UGT1A8: variants seen among roughly 807,000 people sequenced by gnomAD.
UGT1A8 encodes the protein UDP glucuronosyltransferase family 1 member A8.
Under a neutral mutation model 45.3 loss-of-function variants are expected in UGT1A8, and 39 were observed. The ratio of observed to expected loss-of-function variants is 0.86; its 90% CI spans 0.67 to 1.12. UGT1A8 has a LOEUF of 1.12. UGT1A8 is among the 50% of genes most tolerant of loss of function. UGT1A8 has a pLI of 0.00. For synonymous variants in UGT1A8, 275 were observed against 249.2 expected (o/e 1.10, Z -0.97); for missense variants, 719 against 664.9 (o/e 1.08, Z -0.90).
At position 233,725,271 on chromosome 2, in the gene UGT1A8, GAGGCAGAGGCAGAGGCA is replaced by G. The variant is rs1559370545; in HGVS notation, c.856-41762_856-41746del. ...AGAGGAGGCAGAGGCAGAGGAGGCAGAGGCAGAGGCAGAGGCAGAGGCAGAGGCAGAGGCAGAGGCAG... is the reference window on the plus strand; with the variant it reads ...AGAGGAGGCAGAGGCAGAGGAGGCAGGAGGCAGAGGCAGAGGCAGAGGCAG... On this transcript the variant is annotated intron_variant, in intron 1 of 4. Coordinates refer to ENST00000373450, the MANE Select transcript of UGT1A8 (RefSeq NM_019076.5). 2.2e-4 allele frequency among the ~76,000 whole-genome samples: 9 copies of G among 41,180 alleles called. 2 individuals are homozygous for G. The East Asian group carries it at 5.2e-3, about 24-fold the overall frequency. 27.0% of individuals were successfully genotyped at this position (41,180 alleles called of 152,430 possible). A position where few individuals can be genotyped will look rare whatever the true frequency, so the allele number is the denominator to read the frequency against.
intron 1 of UGT1A8, among the ~76,000 whole-genome samples, chr2:233,675,295 C>G (rs1028669928): frequency 1.3e-5 from 2 of 152,086 alleles, no homozygotes; most frequent in Non-Finnish European, 2.9e-5. Flanking sequence ...TACATTCCAG[C>G]GTTCTAATGT....
chr2:233,763,185 T>A (rs137981544), intron 1 of UGT1A8, among the ~76,000 whole-genome samples: 97 of 152,380 alleles, frequency 6.4e-4, no homozygotes, highest in African/African-American at 2.1e-3. Flanking sequence ...ATATTTGTTG[T>A]TGCCTTGTTT....
chr2:233,712,709 G>T (rs1274471996), intron 1 of UGT1A8, among the ~76,000 whole-genome samples: 1 of 152,054 alleles, frequency 6.6e-6, no homozygotes, highest in Non-Finnish European at 1.5e-5. Flanking sequence ...CTTGTGTTGG[G>T]AATTGAATGA....
chr2:233,673,111 G>T (rs748488446), intron 1 of UGT1A8, among the ~76,000 whole-genome samples: 1 of 152,110 alleles, frequency 6.6e-6, no homozygotes, highest in African/African-American at 2.4e-5. Flanking sequence ...GCCCGCCCCA[G>T]AGGAAATGGT....
Position 233,618,101 on chromosome 2 carries a change from A to C in UGT1A8, c.394A>C (p.Lys132Gln), listed in dbSNP as rs961529905. 1 of 1,614,000 alleles carries C rather than the reference A, an allele frequency of 6.2e-7. No individual in the cohort carries two copies. Among genetic ancestry groups the C allele is most frequent in the African/African-American group, 1.3e-5 (1 of 74,876 alleles). ...TTGCAGGAGTTTGTTTAATGACCGA[A>C]AATTAGTAGAATACTTAAAGGAGAG... is the stretch of plus-strand genomic sequence containing the variant. ...SHCRSLFNDR[K>Q]LVEYLKESSF... The change falls in exon 1 of 5, where the codon AAA (lysine) becomes CAA (glutamine). Residue 132 changes from lysine to glutamine, a missense_variant. Lys to Gln is a moderately conservative substitution (Grantham distance 53). Transcript: ENST00000373450.
intron 3 of UGT1A8, 135 bp downstream of exon 3, chr2:233,768,071 G>C: frequency 6.3e-7 from 1 of 1,595,002 alleles, no homozygotes; most frequent in Admixed American, 1.8e-5. Context: ...TTTATCTAGT[G>C]GGGTATCTCA....
intron 1 of UGT1A8, chr2:233,690,588 GAA>G (rs144486213): frequency 9.2e-5 from 103 of 1,123,576 alleles, no homozygotes; most frequent in Admixed American, 2.9e-4. Context: ...CAATCCCTGA[GAA>G]AAAAAAAAAA....
At chr2:233,726,191 A>G (rs942571652) in intron 1 of UGT1A8, among the ~76,000 whole-genome samples, 1 of 152,194 alleles carries the variant, frequency 6.6e-6, no homozygotes, top group Non-Finnish European at 1.5e-5. Context: ...TCTTTGGCAT[A>G]TGGAAATCTT....
At chr2:233,671,974 G>A in intron 1 of UGT1A8, 1 of 1,614,034 alleles carries the variant, frequency 6.2e-7, no homozygotes. Flanking sequence ...TCCTCTATGT[G>A]TGTGTCTGCT....
chr2:233,672,016 C>T (rs770459462), intron 1 of UGT1A8: 2 of 1,614,104 alleles, frequency 1.2e-6, no homozygotes, highest in East Asian at 2.2e-5. Context: ...GGCAGGGAAG[C>T]TACTGGTAGT....
At chr2:233,670,664 T>C (rs934049486) in intron 1 of UGT1A8, among the ~76,000 whole-genome samples, 2 of 152,356 alleles carry the variant, frequency 1.3e-5, no homozygotes, top group African/African-American at 4.8e-5. Context: ...CTTGAATTTC[T>C]CACAGATTCA....
At position 233,672,397 on chromosome 2, in the gene UGT1A8, T is replaced by G; in HGVS notation, c.855+53835T>G. 1 of 1,614,106 alleles carries G rather than the reference T, an allele frequency of 6.2e-7. No individual in the cohort carries two copies. The highest frequency in any genetic ancestry group is 8.5e-7 in the Non-Finnish European group (1 of 1,179,984). Reference sequence around the variant, plus strand: ...TCTCGATCCTTTTGATAACTGTGGCTTAATTGTTGCCAAATATTTCTCCCT... The same window carrying G: ...TCTCGATCCTTTTGATAACTGTGGCGTAATTGTTGCCAAATATTTCTCCCT... On this transcript the variant is annotated intron_variant, in intron 1 of 4. Transcript: ENST00000373450.
At chr2:233,705,686 A>T (rs2075865672) in intron 1 of UGT1A8, among the ~76,000 whole-genome samples, 1 of 152,224 alleles carries the variant, frequency 6.6e-6, no homozygotes, top group Admixed American at 6.5e-5. Flanking sequence ...ATTCACAACG[A>T]CTGGTATAAA....
rs568443083 is a variant in UGT1A8 at position 233,748,107 on chromosome 2, A to G, written c.856-18927A>G. The G allele has an allele frequency of 6.5e-5, 105 of 1,612,400 alleles. 3 individuals are homozygous for G. The African/African-American group carries it at 1.3e-3, about 20-fold the overall frequency. ...CGGTGTTCGTGCCTTCATCCAATCA[A>G]TGTTCCAGGCAAAACAGTTTTTAAA... On this transcript the variant is annotated intron_variant, in intron 1 of 4. Coordinates refer to ENST00000373450, the MANE Select transcript of UGT1A8 (RefSeq NM_019076.5).
intron 1 of UGT1A8, among the ~76,000 whole-genome samples, chr2:233,620,603 T>A (rs1348943578): frequency 6.6e-6 from 1 of 152,236 alleles, no homozygotes; most frequent in East Asian, 1.9e-4. Flanking sequence ...TGTGTTTCTA[T>A]ATCTATTAAA....
intron 1 of UGT1A8, chr2:233,636,562 G>A (rs191349714): frequency 6.2e-7 from 1 of 1,614,184 alleles, no homozygotes; most frequent in African/African-American, 1.3e-5. Context: ...TCCTTTATGT[G>A]TGTGTCTACT....
At chr2:233,755,897 A>G (rs577722637) in intron 1 of UGT1A8, 1 of 152,230 alleles carries the variant, frequency 6.6e-6, no homozygotes, top group South Asian at 2.1e-4. Flanking sequence ...TTTTTTTGAG[A>G]CAAAATGTAG....
Position 233,706,887 on chromosome 2 carries a change from T to C in UGT1A8, c.856-60147T>C, listed in dbSNP as rs191492474. ...TAGACCTGGCACTTCCCAGCTCTGGTTGGAGGCATTTTACAATCCTAGCTG... is the reference window on the plus strand; with the variant it reads ...TAGACCTGGCACTTCCCAGCTCTGGCTGGAGGCATTTTACAATCCTAGCTG... On this transcript the variant is annotated intron_variant, in intron 1 of 4. Coordinates refer to ENST00000373450, the MANE Select transcript of UGT1A8 (RefSeq NM_019076.5). Among the ~76,000 whole-genome samples the C allele has an allele frequency of 4.6e-5, 7 of 152,310 alleles. No individual in the cohort carries two copies. In the East Asian group the frequency reaches 1.3e-3, roughly 29 times the overall value.
At chr2:233,638,923 G>A (rs994805928) in intron 1 of UGT1A8, among the ~76,000 whole-genome samples, 1 of 152,208 alleles carries the variant, frequency 6.6e-6, no homozygotes, top group Non-Finnish European at 1.5e-5. Context: ...GACTCTAAGA[G>A]GTTGGACTTA....
Sources: allele counts gnomAD v4.1 joint callset (sites outside exome capture counted in the v4.1 genomes callset), GRCh38; gene constraint gnomAD v4.1.1; transcripts MANE v1.5; gene names NCBI Gene and HGNC (gene_info 2026-07-23, HGNC 2026-07-21).